The following COL4A2 variants were observed in gnomAD, a reference collection of about 807,000 sequenced individuals.
The protein encoded by COL4A2 is collagen alpha-2(IV) chain.
A neutral mutation model predicts 200.2 loss-of-function variants in COL4A2; 99 were observed. That is an observed-to-expected ratio of 0.49 (90% confidence interval 0.42 to 0.58). The LOEUF is 0.58. Ranked by LOEUF, COL4A2 falls within the 20% of genes least tolerant of loss-of-function variation. The pLI is 0.00. For synonymous variants in COL4A2, 897 were observed against 900.6 expected, an observed-to-expected ratio of 1.00 and a Z score of 0.07; for missense variants, 1,950 against 2,314.1, an observed-to-expected ratio of 0.84 and a Z score of 3.23.
intron 4 of COL4A2, among the ~76,000 whole-genome samples, chr13:110,408,030 C>G (rs1005848620): frequency 2.6e-5 from 4 of 152,240 alleles, no homozygotes; most frequent in Non-Finnish European, 5.9e-5. Flanking sequence ...CCATCCACCT[C>G]TGAGCGTTCA....
intron 3 of COL4A2, among the ~76,000 whole-genome samples, chr13:110,321,097 G>A (rs977878610): frequency 3.3e-5 from 5 of 152,028 alleles, no homozygotes; most frequent in African/African-American, 1.2e-4. Context: ...TACAAACACA[G>A]TGTTGATAAA....
chr13:110,484,911 G>A lies in COL4A2; in HGVS notation c.2909G>A (p.Arg970Gln), dbSNP rs1229599196. 3 of 1,610,484 alleles carry A rather than the reference G, an allele frequency of 1.9e-6. No homozygotes were observed. The highest frequency in any genetic ancestry group is 1.7e-6 in the Non-Finnish European group (2 of 1,177,796). Residue 970 changes from arginine (R) to glutamine (Q), a missense_variant, in exon 33 of 48, where the codon CGA (arginine) becomes CAA (glutamine). Around this residue, in one of 2 missense-constraint regions of COL4A2, gnomAD observed 1,385 missense variants for 1,720.5 expected, o/e 0.80. Transcript: ENST00000360467. ...GCACTCTATTCCCTTCCAGGCAGCC[G>A]AGGGGACCCTGGGCCCCCAGGACCA... The part of the protein sequence containing the change: ...LAGEPGFKGS[R>Q]GDPGPPGPPP...
At chr13:110,480,568 T>G (rs765344501) in intron 31 of COL4A2, among the ~76,000 whole-genome samples, 178 bp downstream of exon 31, 19 of 152,210 alleles carry the variant, frequency 1.2e-4, no homozygotes, top group Admixed American at 2.0e-4. Context: ...GACAGCTGGT[T>G]AATGCTGCTT....
At chr13:110,386,232 T>C (rs1243447340) in intron 4 of COL4A2, among the ~76,000 whole-genome samples, 1 of 152,188 alleles carries the variant, frequency 6.6e-6, no homozygotes, top group African/African-American at 2.4e-5. Flanking sequence ...TGTAGAGTGT[T>C]GAGAAACGCT....
chr13:110,512,033 G>C lies in COL4A2; in HGVS notation c.4981G>C (p.Gly1661Arg). The C allele has an allele frequency of 1.2e-6, 2 of 1,613,564 alleles. No homozygotes were observed. The highest frequency in any genetic ancestry group is 4.5e-5 in the East Asian group (2 of 44,884). Residue 1661 changes from glycine to arginine, a missense_variant, in exon 48 of 48, where the codon GGC becomes CGC. Coordinates refer to ENST00000360467, the MANE Select transcript of COL4A2 (RefSeq NM_001846.4). ...CACACCATTCATCGAATGCAATGGA[G>C]GCCGCGGCACCTGCCACTACTACGC... Reference protein sequence around the residue: ...RATPFIECNGGRGTCHYYANK... With the variant: ...RATPFIECNGRRGTCHYYANK...
At chr13:110,503,329 A>G (rs1168958409) in intron 42 of COL4A2, 47 bp downstream of exon 42, 1 of 1,589,548 alleles carries the variant, frequency 6.3e-7, no homozygotes, top group African/African-American at 1.4e-5. Context: ...CCACAGTGAG[A>G]GGAGCCCCCT....
At chr13:110,452,277 C>A (rs976476978) in intron 20 of COL4A2, among the ~76,000 whole-genome samples, 1 of 152,294 alleles carries the variant, frequency 6.6e-6, no homozygotes, top group East Asian at 1.9e-4. Flanking sequence ...GGGACCCAGG[C>A]GCCCGCCACC....
chr13:110,511,967 T>C lies in COL4A2; in HGVS notation c.4915T>C (p.Ser1639Pro), dbSNP rs756772866. The change falls in exon 48 of 48, where the codon TCA (serine) becomes CCA (proline). Residue 1639 changes from serine (S) to proline (P), a missense_variant. By Grantham distance (74) the Ser-to-Pro change is moderately conservative (BLOSUM62 -1). This residue lies in a region of COL4A2 where 1,385 missense variants were observed against 1,720.5 expected (regional missense o/e 0.80). Transcript: ENST00000360467. ...TAAGDEGGGQ[S>P]LVSPGSCLED... ...GGCGGGAGACGAAGGCGGTGGCCAA[T>C]CACTGGTGTCACCGGGCAGCTGTCT... is the stretch of plus-strand genomic sequence containing the variant. The C allele has an allele frequency of 7.3e-5, 117 of 1,613,414 alleles. No individual in the cohort carries two copies. Among genetic ancestry groups the C allele is most frequent in the Non-Finnish European group, 1.6e-5 (19 of 1,180,048 alleles).
At position 110,503,495 on chromosome 13, in the gene COL4A2, T is replaced by C. The variant is rs1209527371; in HGVS notation, c.4138+14T>C. Reference sequence around the variant, plus strand: ...CAGGATTCCCTGGTAAGTGACCGTCTGGTATCTTCAGAGCTAGTGGCTCAG... The same window carrying C: ...CAGGATTCCCTGGTAAGTGACCGTCCGGTATCTTCAGAGCTAGTGGCTCAG... On this transcript the variant is annotated intron_variant, in intron 43 of 47. Transcript: ENST00000360467. 4.7e-6 allele frequency: 7 copies of C among 1,485,612 alleles called. No individual in the cohort carries two copies. Among genetic ancestry groups the C allele is most frequent in the Non-Finnish European group, 6.4e-6 (7 of 1,091,838 alleles). The allele number at this position is 1,485,612 out of a possible 1,614,324, so 92.0% of individuals were successfully genotyped here.
In COL4A2 at chr13:110,463,442, T is replaced by C. The variant is rs140645572; in HGVS notation, c.1776+1058T>C. 6.9e-3 allele frequency among the ~76,000 whole-genome samples: 1,047 copies of C among 152,330 alleles called. 10 individuals carry two copies. The highest frequency in any genetic ancestry group is 0.024 in the African/African-American group (996 of 41,558). On this transcript the variant is annotated intron_variant, in intron 24 of 47. Coordinates refer to ENST00000360467, the MANE Select transcript of COL4A2 (RefSeq NM_001846.4). ...CCTGGGGGTTAAGACTTCAGCATCA[T>C]TGGAGGACGATTGAAGTCATAATCC...
chr13:110,447,667 G>T (rs1313194784), intron 18 of COL4A2, among the ~76,000 whole-genome samples: 1 of 152,218 alleles, frequency 6.6e-6, no homozygotes, highest in African/African-American at 2.4e-5. Flanking sequence ...AGACATTTCA[G>T]CCCATCTTGT....
In COL4A2 at chr13:110,497,416, TCAA is replaced by T. The variant is rs1396300522; in HGVS notation, c.3760+1950_3760+1952del. ...CTCCACTCAGGACTGAGGATTTAGG[TCAA>T]TCCACCAGCACAACCTCCACTCAGG... On this transcript the variant is annotated intron_variant, in intron 40 of 47. Transcript: ENST00000360467. Among the ~76,000 whole-genome samples the T allele has an allele frequency of 1.3e-4, 19 of 151,460 alleles. No individual in the cohort carries two copies. In the East Asian group the frequency reaches 3.3e-3, roughly 27 times the overall value.
chr13:110,387,572 G>A (rs1361354574), intron 4 of COL4A2, among the ~76,000 whole-genome samples: 1 of 152,250 alleles, frequency 6.6e-6, no homozygotes, highest in Non-Finnish European at 1.5e-5. Flanking sequence ...CCCAGCAGTC[G>A]GGGGCCCCGA....
At chr13:110,383,177 G>A (rs755691455) in intron 4 of COL4A2, among the ~76,000 whole-genome samples, 5 of 152,112 alleles carry the variant, frequency 3.3e-5, no homozygotes, top group East Asian at 3.8e-4. Context: ...GCGTATCCAC[G>A]CTAGGATGTG....
intron 32 of COL4A2, among the ~76,000 whole-genome samples, chr13:110,483,323 G>A (rs1352047891): frequency 2.6e-5 from 4 of 152,174 alleles, no homozygotes; most frequent in Admixed American, 6.5e-5. Flanking sequence ...AGTGTAAAAC[G>A]CTGCGGCCAG....
intron 4 of COL4A2, among the ~76,000 whole-genome samples, chr13:110,395,134 G>A (rs1879141016): frequency 6.6e-6 from 1 of 152,148 alleles, no homozygotes; most frequent in African/African-American, 2.4e-5. Flanking sequence ...TGGGAGGACT[G>A]GATCTCATAT....
At chr13:110,337,284 G>A (rs779016841) in intron 3 of COL4A2, among the ~76,000 whole-genome samples, 25 of 152,330 alleles carry the variant, frequency 1.6e-4, no homozygotes, top group Non-Finnish European at 2.4e-4. Context: ...CACTGGGCTC[G>A]TGTGAAGGAC....
At chr13:110,478,708 CT>C (rs1299091557) in intron 30 of COL4A2, among the ~76,000 whole-genome samples, 1 of 152,264 alleles carries the variant, frequency 6.6e-6, no homozygotes, top group Non-Finnish European at 1.5e-5. Context: ...TCCCAGACTC[CT>C]ACACTTCACG....
intron 39 of COL4A2, among the ~76,000 whole-genome samples, chr13:110,493,761 A>G (rs1429886761): frequency 2.0e-5 from 3 of 152,076 alleles, no homozygotes; most frequent in African/African-American, 7.2e-5. Flanking sequence ...AAAACAACCA[A>G]AATGGGTTTC....
Sources: allele counts gnomAD v4.1 joint callset (sites outside exome capture counted in the v4.1 genomes callset), GRCh38; gene constraint gnomAD v4.1.1; regional missense constraint gnomAD v4.1.1; transcripts MANE v1.5; gene names NCBI Gene and HGNC (gene_info 2026-07-23, HGNC 2026-07-21).